The following SUPT3H variants were observed in gnomAD, a reference collection of about 807,000 sequenced individuals.
SUPT3H encodes SPT3 homolog, SAGA and STAGA complex component.
SUPT3H carries 44 observed loss-of-function variants against 44.3 expected under a neutral mutation model. The ratio of observed to expected loss-of-function variants is 0.99; its 90% confidence interval spans 0.78 to 1.28. SUPT3H has a LOEUF of 1.28. SUPT3H is among the 50% of genes most tolerant of loss of function. The pLI is 0.00. For synonymous variants in SUPT3H, 124 were observed against 125.6 expected, an observed-to-expected ratio of 0.99 and a Z score of 0.09; for missense variants, 380 against 387.1, an observed-to-expected ratio of 0.98 and a Z score of 0.15.
intron 4 of SUPT3H, among the ~76,000 whole-genome samples, chr6:45,019,313 A>G (rs982550629): frequency 6.6e-6 from 1 of 151,610 alleles, no homozygotes; most frequent in Non-Finnish European, 1.5e-5. Flanking sequence ...TGGATTCATT[A>G]ATTTTTTGAA....
intron 2 of SUPT3H, among the ~76,000 whole-genome samples, chr6:45,334,801 T>C (rs1788236509): frequency 6.6e-6 from 1 of 151,194 alleles, no homozygotes; most frequent in African/African-American, 2.4e-5. Context: ...ACTATAGTTC[T>C]GTCATGAAAT....
At chr6:45,204,027 C>A (rs1453777399) in intron 2 of SUPT3H, among the ~76,000 whole-genome samples, 2 of 152,118 alleles carry the variant, frequency 1.3e-5, no homozygotes, top group East Asian at 3.9e-4. Context: ...GCTGGAGGAT[C>A]ACTTGAGGTT....
chr6:44,919,110 A>G (rs532526607), intron 10 of SUPT3H, among the ~76,000 whole-genome samples: 1 of 152,232 alleles, frequency 6.6e-6, no homozygotes, highest in Non-Finnish European at 1.5e-5. Flanking sequence ...CATAAATCCT[A>G]TAAAATCTGG....
chr6:45,283,212 C>G (rs1324143668), intron 2 of SUPT3H, among the ~76,000 whole-genome samples: 1 of 152,240 alleles, frequency 6.6e-6, no homozygotes, highest in Non-Finnish European at 1.5e-5. Context: ...ATCATAATGA[C>G]AGGATCAAAT....
intron 2 of SUPT3H, among the ~76,000 whole-genome samples, chr6:45,353,360 T>A (rs1346998272): frequency 6.6e-6 from 1 of 152,062 alleles, no homozygotes; most frequent in African/African-American, 2.4e-5. Flanking sequence ...AGAAAAGTTA[T>A]GCGGATGGAC....
intron 2 of SUPT3H, among the ~76,000 whole-genome samples, chr6:45,324,119 T>G (rs912964643): frequency 1.2e-4 from 19 of 152,044 alleles, no homozygotes; most frequent in African/African-American, 4.6e-4. Flanking sequence ...CTTTTTTTAT[T>G]ATTACAAAAA....
intron 2 of SUPT3H, chr6:45,323,113 A>T: frequency 1.8e-6 from 1 of 557,722 alleles, no homozygotes; most frequent in South Asian, 2.3e-5. Context: ...ATATACTGGA[A>T]TGCTCAGAGG....
intron 6 of SUPT3H, among the ~76,000 whole-genome samples, chr6:44,968,710 T>C (rs1438430706): frequency 6.6e-6 from 1 of 152,152 alleles, no homozygotes; most frequent in Non-Finnish European, 1.5e-5. Flanking sequence ...AATAAAAACA[T>C]GGAGAAAAGG....
chr6:44,925,247 CAA>C (rs1769348911), intron 10 of SUPT3H, among the ~76,000 whole-genome samples: 1 of 152,146 alleles, frequency 6.6e-6, no homozygotes, highest in African/African-American at 2.4e-5. Flanking sequence ...CATGCACTTG[CAA>C]AGTGTCTTTG....
chr6:44,978,613 G>GTTTGTA (rs1778664629), intron 6 of SUPT3H, among the ~76,000 whole-genome samples: 1 of 152,190 alleles, frequency 6.6e-6, no homozygotes. Context: ...TTAGTTTGTA[G>GTTTGTA]GCTTTAAGTG....
At chr6:44,994,499 T>C (rs895675384) in intron 6 of SUPT3H, among the ~76,000 whole-genome samples, 3 of 152,106 alleles carry the variant, frequency 2.0e-5, no homozygotes, top group African/African-American at 7.2e-5. Context: ...CTTCCTAAAG[T>C]TCCAGAGATC....
At chr6:45,254,759 A>G (rs1773046432) in intron 2 of SUPT3H, among the ~76,000 whole-genome samples, 1 of 152,186 alleles carries the variant, frequency 6.6e-6, no homozygotes, top group South Asian at 2.1e-4. Context: ...TCACTTACCC[A>G]TGGTTTAAGT....
intron 2 of SUPT3H, among the ~76,000 whole-genome samples, chr6:45,108,065 C>T (rs115405894): frequency 1.3e-5 from 2 of 152,200 alleles, no homozygotes; most frequent in African/African-American, 4.8e-5. Context: ...TACTATCCAA[C>T]TTAATGGTGA....
At chr6:44,920,232 TA>T (rs1345563976) in intron 10 of SUPT3H, among the ~76,000 whole-genome samples, 1 of 151,716 alleles carries the variant, frequency 6.6e-6, no homozygotes, top group Non-Finnish European at 1.5e-5. Context: ...ATACTTTGCT[TA>T]AAAAAATCTG....
intron 3 of SUPT3H, among the ~76,000 whole-genome samples, chr6:45,101,735 G>A (rs914323727): frequency 2.6e-5 from 4 of 152,010 alleles, no homozygotes; most frequent in Non-Finnish European, 4.4e-5. Flanking sequence ...GTATACATGT[G>A]TCAAAATAAC....
chr6:45,040,924 T>A lies in SUPT3H; in HGVS notation c.187-20292A>T, dbSNP rs548456557. ...GGACCCCAAGCTCTCAATGAGCAAT[T>A]TATTTTTTCCATTTCAAAATCTTAG... On this transcript the variant is annotated intron_variant, in intron 3 of 10. Transcript: ENST00000371459. 1.2e-4 allele frequency among the ~76,000 whole-genome samples: 19 copies of A among 152,326 alleles called. 1 individual carries two copies. The highest frequency in any genetic ancestry group is 1.2e-3 in the Admixed American group (18 of 15,298).
At chr6:44,909,210 G>C (rs1460204243) in intron 10 of SUPT3H, among the ~76,000 whole-genome samples, 3 of 150,912 alleles carry the variant, frequency 2.0e-5, no homozygotes, top group Non-Finnish European at 4.4e-5. Context: ...TATATCATAT[G>C]CTAAACTTGC....
intron 2 of SUPT3H, among the ~76,000 whole-genome samples, chr6:45,301,625 A>G (rs936458131): frequency 1.3e-5 from 2 of 152,108 alleles, no homozygotes; most frequent in African/African-American, 4.8e-5. Context: ...AATCCTGTTT[A>G]TAGCTATGAT....
chr6:45,223,802 A>G (rs1766456114), intron 2 of SUPT3H, among the ~76,000 whole-genome samples: 1 of 151,456 alleles, frequency 6.6e-6, no homozygotes, highest in Admixed American at 6.6e-5. Context: ...AGTATAATCA[A>G]AGCTAGAGCT....
Sources: allele counts gnomAD v4.1 joint callset (sites outside exome capture counted in the v4.1 genomes callset), GRCh38; gene constraint gnomAD v4.1.1; transcripts MANE v1.5; gene names NCBI Gene and HGNC (gene_info 2026-07-23, HGNC 2026-07-21).